Variants in RABL3 observed in about 807,000 individuals in gnomAD.
RABL3 encodes the protein rab-like protein 3.
A neutral mutation model predicts 31.8 loss-of-function variants in RABL3; 31 were observed. The observed-to-expected ratio is 0.97, with a 90% CI of 0.73 to 1.31. The LOEUF (loss-of-function observed/expected upper bound fraction) is 1.31. RABL3 is among the 40% of genes most tolerant of loss of function. The pLI, the probability that RABL3 is intolerant of heterozygous loss-of-function variation, is 0.00. For missense variants in RABL3, 263 were observed against 279.6 expected, an observed-to-expected ratio of 0.94 and a Z score of 0.42; for synonymous variants, 97 against 99.9, an observed-to-expected ratio of 0.97 and a Z score of 0.18.
intron 5 of RABL3, 47 bp downstream of exon 5, chr3:120,698,376 G>A: frequency 6.5e-7 from 1 of 1,527,740 alleles, no homozygotes; most frequent in Non-Finnish European, 9.0e-7. Context: ...CTTCAGTTTT[G>A]TCTTTACCCG....
chr3:120,685,289 C>T lies in RABL3; in HGVS notation c.*4534G>A, dbSNP rs6801384. ...CAGAGGACTCCAGGACAGATGTCTC[C>T]GAGAAAAAGATGGAACGGAGAGATT... On this transcript the variant is annotated 3_prime_UTR_variant, in exon 8 of 8. Coordinates refer to ENST00000273375, the MANE Select transcript of RABL3 (RefSeq NM_173825.5). 0.16 allele frequency among the ~76,000 whole-genome samples: 24,478 copies of T among 152,142 alleles called. 2,549 individuals are homozygous for T. Among genetic ancestry groups the T allele is most frequent in the East Asian group, 0.49 (2,548 of 5,176 alleles).
At chr3:120,728,126 A>C (rs1431284366) in intron 2 of RABL3, among the ~76,000 whole-genome samples, 3 of 152,166 alleles carry the variant, frequency 2.0e-5, no homozygotes, top group Non-Finnish European at 4.4e-5. Flanking sequence ...GGTGAACAAC[A>C]TGAATAGAAT....
intron 1 of RABL3, among the ~76,000 whole-genome samples, chr3:120,735,224 C>T (rs1708941750): frequency 1.3e-5 from 2 of 151,964 alleles, no homozygotes; most frequent in Non-Finnish European, 2.9e-5. Flanking sequence ...ATTTCCAAGC[C>T]TGTTATTGGT....
At chr3:120,708,540 T>A (rs189838898) in intron 3 of RABL3, among the ~76,000 whole-genome samples, 2 of 152,130 alleles carry the variant, frequency 1.3e-5, no homozygotes, top group African/African-American at 4.8e-5. Flanking sequence ...CAGATAGATA[T>A]CTTAATTTGA....
intron 1 of RABL3, among the ~76,000 whole-genome samples, chr3:120,742,223 G>A (rs1386876580): frequency 6.7e-6 from 1 of 149,566 alleles, no homozygotes; most frequent in Non-Finnish European, 1.5e-5. Flanking sequence ...CTGGGAGACC[G>A]ATGCGGAAAG....
intron 2 of RABL3, among the ~76,000 whole-genome samples, chr3:120,726,486 C>T (rs1162456354): frequency 1.3e-5 from 2 of 152,086 alleles, no homozygotes; most frequent in Admixed American, 1.3e-4. Flanking sequence ...TCGGGCCAGG[C>T]ACAGTGGCTC....
At chr3:120,708,091 T>C (rs1462542909) in intron 3 of RABL3, among the ~76,000 whole-genome samples, 2 of 152,200 alleles carry the variant, frequency 1.3e-5, no homozygotes, top group East Asian at 1.9e-4. Context: ...GTGATCCTTA[T>C]GTTCAGTTTC....
chr3:120,712,201 C>A (rs1306004442), intron 2 of RABL3, among the ~76,000 whole-genome samples: 1 of 152,068 alleles, frequency 6.6e-6, no homozygotes, highest in Non-Finnish European at 1.5e-5. Context: ...TAAACAGCCA[C>A]ATTGACATTA....
chr3:120,695,151 C>T (rs1399448069), intron 5 of RABL3, among the ~76,000 whole-genome samples: 1 of 151,990 alleles, frequency 6.6e-6, no homozygotes, highest in Admixed American at 6.6e-5. Flanking sequence ...ACTATTATTA[C>T]ATTTATTCTG....
upstream of RABL3, chr3:120,742,646 G>A: frequency 1.2e-6 from 1 of 829,550 alleles, no homozygotes; most frequent in Non-Finnish European, 2.0e-6. Context: ...TGAACTCATT[G>A]GCTGGTCTGG....
At chr3:120,739,326 G>A (rs6799109) in intron 1 of RABL3, among the ~76,000 whole-genome samples, 9,351 of 151,968 alleles carry the variant, frequency 0.062, 831 homozygotes, top group African/African-American at 0.2. Context: ...GCAGTGAGCC[G>A]AGATTGCGCC....
intron 2 of RABL3, among the ~76,000 whole-genome samples, chr3:120,720,712 G>A (rs1434202773): frequency 6.6e-6 from 1 of 152,212 alleles, no homozygotes; most frequent in African/African-American, 2.4e-5. Flanking sequence ...TGTCTGACTG[G>A]TCTACCTGAA....
intron 3 of RABL3, among the ~76,000 whole-genome samples, chr3:120,708,249 T>C (rs565124216): frequency 2.2e-4 from 33 of 152,140 alleles, no homozygotes; most frequent in Admixed American, 1.7e-3. Flanking sequence ...GGAAATATAT[T>C]TCAGTCTTAT....
rs367655930 is a variant in RABL3 at position 120,739,741 on chromosome 3, T to C, written c.46+2721A>G. On this transcript the variant is annotated intron_variant, in intron 1 of 7. Transcript: ENST00000273375. ...TAATATCTGTAACTTTTAGGATGTA[T>C]TGTTGATTCTGTATTTGTAAATAGG... Among the ~76,000 whole-genome samples, 121 of 152,328 alleles carry C rather than the reference T, an allele frequency of 7.9e-4. 1 individual carries two copies. The highest frequency in any genetic ancestry group is 2.8e-3 in the African/African-American group (117 of 41,572).
intron 5 of RABL3, 45 bp downstream of exon 5, chr3:120,698,378 C>A (rs758553130): frequency 3.2e-6 from 5 of 1,547,586 alleles, no homozygotes; most frequent in Non-Finnish European, 4.4e-6. Context: ...TCAGTTTTGT[C>A]TTTACCCGAT....
chr3:120,698,564 A>G lies in RABL3; in HGVS notation c.393T>C (p.Asp131=). 2 of 1,609,426 alleles carry G rather than the reference A, an allele frequency of 1.2e-6. No individual in the cohort carries two copies. Among genetic ancestry groups the G allele is most frequent in the Non-Finnish European group, 1.7e-6 (2 of 1,177,078 alleles). ...TGVLVTNGDY[D]QEQFADNQIP... is the part of the protein sequence containing the mutation. ...TTTGGTTATCAGCAAACTGTTCTTG[A>G]TCATAATCCCTGTGATAAATAATAA... The change falls in exon 5 of 8, where the codon GAT becomes GAC. Residue 131 remains aspartate (D), a synonymous_variant. Transcript: ENST00000273375.
chr3:120,729,680 T>C (rs374800633), intron 2 of RABL3, among the ~76,000 whole-genome samples: 5 of 152,094 alleles, frequency 3.3e-5, no homozygotes, highest in African/African-American at 1.2e-4. Flanking sequence ...ACTGTATAGA[T>C]ATATTAAAAA....
intron 2 of RABL3, among the ~76,000 whole-genome samples, chr3:120,711,450 G>A (rs181476390): frequency 2.0e-5 from 3 of 152,152 alleles, no homozygotes; most frequent in Non-Finnish European, 1.5e-5. Context: ...TGATATAATG[G>A]TCTCTGACTG....
chr3:120,706,577 G>C (rs906843121), intron 3 of RABL3, among the ~76,000 whole-genome samples: 1 of 117,000 alleles, frequency 8.5e-6, no homozygotes, highest in Non-Finnish European at 2.2e-5. Context: ...AGTAATATTA[G>C]GTAATGAAAA....
Sources: allele counts gnomAD v4.1 joint callset (sites outside exome capture counted in the v4.1 genomes callset), GRCh38; gene constraint gnomAD v4.1.1; transcripts MANE v1.5; gene names NCBI Gene and HGNC (gene_info 2026-07-23, HGNC 2026-07-21).